The following ZNF578 variants were observed in gnomAD, a reference collection of about 807,000 sequenced individuals.
ZNF578 encodes the protein Putative chemokine-related protein B42.
A neutral mutation model predicts 8.3 loss-of-function variants in ZNF578; 8 were observed. The observed-to-expected ratio is 0.96, with a 90% confidence interval of 0.56 to 1.74. ZNF578 has a LOEUF of 1.74. Among genes scored for constraint, ZNF578 ranks in the 40% most tolerant of loss-of-function variants. ZNF578 has a pLI of 0.00. For synonymous variants in ZNF578, 206 were observed against 232.2 expected, an observed-to-expected ratio of 0.89 and a Z score of 1.03; for missense variants, 726 against 707.5, an observed-to-expected ratio of 1.03 and a Z score of -0.30.
intron 2 of ZNF578, among the ~76,000 whole-genome samples, chr19:52,464,197 A>T (rs1453126625): frequency 6.6e-6 from 1 of 152,200 alleles, no homozygotes. Flanking sequence ...AATAATAATC[A>T]CCATTAGGGA....
intron 1 of ZNF578, chr19:52,453,996 C>G (rs1018117988): frequency 3.3e-5 from 5 of 152,332 alleles, no homozygotes; most frequent in Admixed American, 1.3e-4. Context: ...CTGCCCGGCC[C>G]TGGGATTTTG....
chr19:52,476,789 G>A (rs901980791), intron 2 of ZNF578, among the ~76,000 whole-genome samples: 1 of 152,184 alleles, frequency 6.6e-6, no homozygotes, highest in Non-Finnish European at 1.5e-5. Flanking sequence ...AGTCTGAGAG[G>A]CCATGGTAGG....
At position 52,459,769 on chromosome 19, in the gene ZNF578, A is replaced by ATATTTTTTTTTTTT. The variant is rs1555751349; in HGVS notation, c.-122+2812_-122+2813insATTTTTTTTTTTTT. Among the ~76,000 whole-genome samples the ATATTTTTTTTTTTT allele has an allele frequency of 3.4e-4, 6 of 17,620 alleles. 2 individuals carry two copies. The highest frequency in any genetic ancestry group is 4.0e-4 in the Non-Finnish European group (4 of 10,084). 11.6% of individuals were successfully genotyped at this position (17,620 alleles called of 152,430 possible). ...TGTGTGTGTATATATATATATATATATTTTTTTTTTTTTTTTTTTTTTTTG... is the reference window on the plus strand; with the variant it reads ...TGTGTGTGTATATATATATATATATATATTTTTTTTTTTTTTTTTTTTTTTTTTTTTTTTTTTTG... On this transcript the variant is annotated intron_variant, in intron 2 of 5. Coordinates refer to ENST00000421239, the MANE Select transcript of ZNF578 (RefSeq NM_001099694.2).
At chr19:52,479,071 T>C (rs2059316957) in intron 2 of ZNF578, among the ~76,000 whole-genome samples, 1 of 151,978 alleles carries the variant, frequency 6.6e-6, no homozygotes, top group Non-Finnish European at 1.5e-5. Flanking sequence ...AAATCAAGAG[T>C]GCCTGTCTGT....
In ZNF578 at chr19:52,511,933, A is replaced by G. The variant is rs777952976; in HGVS notation, c.1552A>G (p.Lys518Glu). 6.8e-6 allele frequency: 11 copies of G among 1,614,038 alleles called. No homozygotes were observed. In the Middle Eastern group the frequency reaches 8.3e-4, roughly 121 times the overall value. ...EKPYKCNECGKTFNVQSHLSR... is the reference protein window; with the variant it reads ...EKPYKCNECGETFNVQSHLSR... Reference sequence around the variant, plus strand: ...ACCTTACAAGTGTAATGAATGTGGGAAGACTTTTAATGTACAGTCACACCT... The same window carrying G: ...ACCTTACAAGTGTAATGAATGTGGGGAGACTTTTAATGTACAGTCACACCT... Residue 518 changes from lysine (K) to glutamate (E), a missense_variant, in exon 6 of 6, where the codon AAG (lysine) becomes GAG (glutamate). Physicochemically the swap from Lys to Glu is moderately conservative, Grantham distance 56 (BLOSUM62 1). Transcript: ENST00000421239.
In ZNF578 at chr19:52,512,352, T is replaced by G; in HGVS notation, c.*198T>G. ...GTGTAGGGAAACTTGACTAATGTAA[T>G]GATTGTCACAAAGTCTTCAGTAACG... is the stretch of plus-strand genomic sequence containing the variant. On this transcript the variant is annotated 3_prime_UTR_variant, in exon 6 of 6. Transcript: ENST00000421239. The G allele has an allele frequency of 6.6e-7, 1 of 1,517,376 alleles. No individual in the cohort carries two copies. Among genetic ancestry groups the G allele is most frequent in the Non-Finnish European group, 9.1e-7 (1 of 1,093,258 alleles). The allele number at this position is 1,517,376 out of a possible 1,614,324, so 94.0% of individuals were successfully genotyped here.
At chr19:52,463,425 C>A (rs1389446801) in intron 2 of ZNF578, among the ~76,000 whole-genome samples, 1 of 152,180 alleles carries the variant, frequency 6.6e-6, no homozygotes, top group Admixed American at 6.5e-5. Context: ...AACACCAGTT[C>A]TTTGATGTGG....
intron 2 of ZNF578, among the ~76,000 whole-genome samples, chr19:52,476,267 G>A (rs56053821): frequency 0.012 from 1,778 of 152,182 alleles, 13 homozygotes; most frequent in Middle Eastern, 0.02. Context: ...GGGCTTTTTT[G>A]AGATAACAAA....
chr19:52,461,687 A>G lies in ZNF578; in HGVS notation c.-122+4729A>G, dbSNP rs141821058. Among the ~76,000 whole-genome samples the G allele has an allele frequency of 3.7e-4, 56 of 152,366 alleles. No individual in the cohort carries two copies. In the East Asian group the frequency reaches 0.01, roughly 28 times the overall value. On this transcript the variant is annotated intron_variant, in intron 2 of 5. Coordinates refer to ENST00000421239, the MANE Select transcript of ZNF578 (RefSeq NM_001099694.2). ...AGGTCATATATGAATATTTCTGACC[A>G]TCAACATGAAAGGAGGCTTGACACA...
intron 5 of ZNF578, among the ~76,000 whole-genome samples, chr19:52,507,197 G>T (rs1339661181): frequency 2.0e-5 from 3 of 152,284 alleles, no homozygotes; most frequent in Non-Finnish European, 4.4e-5. Flanking sequence ...AGACCAGCCT[G>T]GCCAACATGG....
At position 52,479,581 on chromosome 19, in the gene ZNF578, G is replaced by T. The variant is rs561864784; in HGVS notation, c.-121-11743G>T. ...AAAAAAAGGAAAAAAGAAACTTCTC[G>T]TTCCCAGTACTTTTTTGAAGCACTG... On this transcript the variant is annotated intron_variant, in intron 2 of 5. Transcript: ENST00000421239. Among the ~76,000 whole-genome samples, 4 of 149,434 alleles carry T rather than the reference G, an allele frequency of 2.7e-5. No individual in the cohort carries two copies. The East Asian group carries it at 7.9e-4, about 29-fold the overall frequency.
chr19:52,457,058 G>T (rs2059241903), intron 2 of ZNF578, 100 bp downstream of exon 2: 1 of 152,550 alleles, frequency 6.6e-6, no homozygotes, highest in African/African-American at 2.4e-5. Flanking sequence ...ACGGTTCCTG[G>T]CTTATAACCT....
chr19:52,486,411 C>A (rs2059346028), intron 2 of ZNF578, among the ~76,000 whole-genome samples: 1 of 152,130 alleles, frequency 6.6e-6, no homozygotes, highest in African/African-American at 2.4e-5. Context: ...TGTTCTTTCT[C>A]TATACTTTGT....
intron 4 of ZNF578, among the ~76,000 whole-genome samples, chr19:52,503,963 A>G (rs1193368342): frequency 1.3e-5 from 2 of 151,804 alleles, no homozygotes; most frequent in Non-Finnish European, 2.9e-5. Context: ...ACACCCAGCT[A>G]ATTTTTGTAT....
At chr19:52,465,197 C>T (rs1353308949) in intron 2 of ZNF578, among the ~76,000 whole-genome samples, 1 of 152,066 alleles carries the variant, frequency 6.6e-6, no homozygotes, top group Non-Finnish European at 1.5e-5. Context: ...CTGAATTGCC[C>T]CCTCCCCATA....
In ZNF578 at chr19:52,511,222, C is replaced by G; in HGVS notation, c.841C>G (p.His281Asp). 5 of 1,614,208 alleles carry G rather than the reference C, an allele frequency of 3.1e-6. No individual in the cohort carries two copies. Among genetic ancestry groups the G allele is most frequent in the Non-Finnish European group, 4.2e-6 (5 of 1,180,038 alleles). Residue 281 changes from histidine (H) to aspartate (D), a missense_variant, in exon 6 of 6, where the codon CAC (histidine) becomes GAC (aspartate). Physicochemically the swap from His to Asp is moderately conservative, Grantham distance 81. Coordinates refer to ENST00000421239, the MANE Select transcript of ZNF578 (RefSeq NM_001099694.2). ...KRYLARHRRC[H>D]TSEKPYKCNE... ...ATACCTTGCACGCCATCGTAGATGT[C>G]ACACTAGTGAGAAACCTTACAAGTG...
chr19:52,490,690 T>C (rs1027529509), intron 2 of ZNF578, among the ~76,000 whole-genome samples: 1 of 151,518 alleles, frequency 6.6e-6, no homozygotes, highest in African/African-American at 2.4e-5. Context: ...CAGGCTGGAG[T>C]GCAGTGGCAC....
chr19:52,512,217 C>A lies in ZNF578; in HGVS notation c.*63C>A, dbSNP rs1175342490. 2 of 1,605,102 alleles carry A rather than the reference C, an allele frequency of 1.2e-6. No homozygotes were observed. Among genetic ancestry groups the A allele is most frequent in the African/African-American group, 1.3e-5 (1 of 74,174 alleles). On this transcript the variant is annotated 3_prime_UTR_variant, in exon 6 of 6. Transcript: ENST00000421239. ...TGTGACAAAGTTTTCAGTCACAGAT[C>A]ACGCCTTAAAAGACATAGGAGAATT...
chr19:52,458,513 CTG>C (rs1040721136), intron 2 of ZNF578: 50 of 127,822 alleles, frequency 3.9e-4, no homozygotes, highest in Middle Eastern at 4.6e-3. Context: ...TGACAACCCT[CTG>C]TATTTTCATT....
Sources: gnomAD v4.1 joint callset for allele counts (sites outside exome capture counted in the v4.1 genomes callset) on GRCh38, gnomAD v4.1.1 for gene constraint, MANE v1.5 for transcripts, NCBI Gene and HGNC (gene_info 2026-07-23, HGNC 2026-07-21) for gene names.